Variants in RANBP3L observed in about 807,000 individuals in gnomAD.
RANBP3L encodes RAN binding protein 3 like, also known as ran-binding protein 3-like.
A neutral mutation model predicts 67.2 loss-of-function variants in RANBP3L; 56 were observed. The observed-to-expected ratio is 0.83, with a 90% CI of 0.67 to 1.04. The LOEUF (loss-of-function observed/expected upper bound fraction) is 1.04, where lower values mean the gene tolerates loss of function less well. Among genes scored for constraint, RANBP3L ranks in the 50% least tolerant of loss-of-function variants. The pLI, the probability that RANBP3L is intolerant of heterozygous loss-of-function variation, is 0.00. For missense variants in RANBP3L, 496 were observed against 535.5 expected (o/e 0.93, Z 0.73); for synonymous variants, 164 against 181.4 (o/e 0.90, Z 0.77).
At chr5:36,282,963 A>G (rs569448117) in intron 1 of RANBP3L, among the ~76,000 whole-genome samples, 1 of 152,328 alleles carries the variant, frequency 6.6e-6, no homozygotes, top group Admixed American at 6.5e-5. Flanking sequence ...AAGGCCAGGT[A>G]GTAATTTGTA....
intron 12 of RANBP3L, among the ~76,000 whole-genome samples, chr5:36,253,331 G>T (rs1320303406): frequency 6.6e-6 from 1 of 151,980 alleles, no homozygotes; most frequent in Non-Finnish European, 1.5e-5. Context: ...CTCTTCCTGG[G>T]AACCATTCCT....
In RANBP3L at chr5:36,265,709, G is replaced by A. The variant is rs1307220900; in HGVS notation, c.269-189C>T. Reference sequence around the variant, plus strand: ...GATTGCCAGCCAGGCGCGGTGGCTCGCGCCTGTAATCCTAGCACTTTGGGA... The same window carrying A: ...GATTGCCAGCCAGGCGCGGTGGCTCACGCCTGTAATCCTAGCACTTTGGGA... On this transcript the variant is annotated intron_variant, in intron 4 of 13. Coordinates refer to ENST00000296604, the MANE Select transcript of RANBP3L (RefSeq NM_145000.5). 2.0e-5 allele frequency among the ~76,000 whole-genome samples: 3 copies of A among 152,098 alleles called. No individual in the cohort carries two copies. The East Asian group carries it at 5.8e-4, about 29-fold the overall frequency.
chr5:36,285,457 A>G (rs1241071996), intron 1 of RANBP3L, among the ~76,000 whole-genome samples: 1 of 152,214 alleles, frequency 6.6e-6, no homozygotes. Flanking sequence ...TGTACAGGCT[A>G]CATGTGTGCC....
Position 36,255,493 on chromosome 5 carries a change from C to T in RANBP3L, c.1001G>A (p.Cys334Tyr), listed in dbSNP as rs146583992. ...LRLNDTASTDCGTLQSRLIMR... is the reference protein window; with the variant it reads ...LRLNDTASTDYGTLQSRLIMR... The stretch of plus-strand genomic sequence containing the variant: ...ACTTAGTCTTGACTGTAATGTTCCA[C>T]AGTCAGTGCTTGCTGTGTCATTCAG... The change falls in exon 11 of 14, where the codon TGT (cysteine) becomes TAT (tyrosine). Residue 334 changes from cysteine to tyrosine, a missense_variant. Coordinates refer to ENST00000296604, the MANE Select transcript of RANBP3L (RefSeq NM_145000.5). The T allele has an allele frequency of 1.6e-5, 26 of 1,611,310 alleles. No homozygotes were observed. The highest frequency in any genetic ancestry group is 2.2e-5 in the South Asian group (2 of 90,842).
rs771480477 is a variant in RANBP3L at position 36,248,545 on chromosome 5, G to A, written c.*1109C>T. ...CATATCCAAATGAATATTGTTCTTC[G>A]AAGCATCACTTAGTGAAATTACGCC... On this transcript the variant is annotated 3_prime_UTR_variant, in exon 14 of 14. Coordinates refer to ENST00000296604, the MANE Select transcript of RANBP3L (RefSeq NM_145000.5). The A allele has an allele frequency of 2.6e-5, 4 of 152,024 alleles. No individual in the cohort carries two copies. Among genetic ancestry groups the A allele is most frequent in the South Asian group, 2.1e-4 (1 of 4,834 alleles). The allele number at this position is 152,024 out of a possible 1,614,324, so 9.4% of individuals were successfully genotyped here.
At chr5:36,293,929 G>A (rs1227331932) in intron 1 of RANBP3L, among the ~76,000 whole-genome samples, 1 of 150,870 alleles carries the variant, frequency 6.6e-6, no homozygotes, top group Non-Finnish European at 1.5e-5. Context: ...ATGAGTTATG[G>A]AGGATTCCCT....
intron 1 of RANBP3L, among the ~76,000 whole-genome samples, chr5:36,285,762 C>T (rs936524968): frequency 1.3e-4 from 20 of 152,176 alleles, no homozygotes; most frequent in African/African-American, 4.8e-4. Flanking sequence ...ACAAGGTTGT[C>T]ATCTTTCCTT....
At chr5:36,254,296 T>C (rs1748809828) in intron 11 of RANBP3L, among the ~76,000 whole-genome samples, 1 of 152,126 alleles carries the variant, frequency 6.6e-6, no homozygotes, top group Non-Finnish European at 1.5e-5. Flanking sequence ...TTTTACAATC[T>C]ATGTGTACAT....
chr5:36,257,655 C>G, intron 8 of RANBP3L, 99 bp from the exon 9 acceptor site: 1 of 505,740 alleles, frequency 2.0e-6, no homozygotes, highest in Non-Finnish European at 3.5e-6. Context: ...TGTTTCAACA[C>G]AGCAAGCAAA....
intron 8 of RANBP3L, among the ~76,000 whole-genome samples, chr5:36,260,558 T>A (rs1363840): frequency 1.4e-4 from 21 of 152,084 alleles, no homozygotes; most frequent in African/African-American, 4.3e-4. Context: ...TCAGTAATAA[T>A]GTTATAATTA....
chr5:36,290,726 CTTTTTT>C (rs61105686), intron 1 of RANBP3L, among the ~76,000 whole-genome samples: 3 of 55,434 alleles, frequency 5.4e-5, no homozygotes, highest in African/African-American at 2.3e-4. Context: ...ACAACCATGG[CTTTTTT>C]TTTTTTTTTT....
chr5:36,273,482 A>C (rs1750368009), intron 1 of RANBP3L, among the ~76,000 whole-genome samples: 1 of 152,186 alleles, frequency 6.6e-6, no homozygotes, highest in African/African-American at 2.4e-5. Context: ...ACATGGTCTA[A>C]TTGAAGGTGC....
At chr5:36,282,080 T>C (rs1364734510) in intron 1 of RANBP3L, among the ~76,000 whole-genome samples, 2 of 152,194 alleles carry the variant, frequency 1.3e-5, no homozygotes, top group East Asian at 1.9e-4. Context: ...TCCTAGGATG[T>C]GCTTGGTCAA....
intron 7 of RANBP3L, among the ~76,000 whole-genome samples, chr5:36,261,710 C>G (rs558146181): frequency 6.6e-6 from 1 of 152,176 alleles, no homozygotes; most frequent in East Asian, 1.9e-4. Flanking sequence ...AAAGTTCTCA[C>G]CCAAGTTAAT....
At chr5:36,288,808 T>A (rs1304469951) in intron 1 of RANBP3L, among the ~76,000 whole-genome samples, 3 of 152,260 alleles carry the variant, frequency 2.0e-5, no homozygotes, top group African/African-American at 7.2e-5. Flanking sequence ...CATTTTTAAA[T>A]CAAATTGTTT....
At chr5:36,266,299 G>A (rs569164705) in intron 4 of RANBP3L, among the ~76,000 whole-genome samples, 4 of 152,288 alleles carry the variant, frequency 2.6e-5, no homozygotes, top group African/African-American at 9.6e-5. Flanking sequence ...CTACAAACAT[G>A]TTGGTGGGGT....
At chr5:36,252,586 G>A (rs79835456) in intron 12 of RANBP3L, among the ~76,000 whole-genome samples, 305 of 152,184 alleles carry the variant, frequency 2.0e-3, no homozygotes, top group African/African-American at 7.1e-3. Flanking sequence ...ATATATGTAT[G>A]TATGTATATT....
In RANBP3L at chr5:36,252,061, TTAAAA is replaced by T. The variant is rs547546124; in HGVS notation, c.1168-567_1168-563del. On this transcript the variant is annotated intron_variant, in intron 12 of 13. Transcript: ENST00000296604. ...AATAAAGTTGGCATAACATTTACTG[TTAAAA>T]TATTCTTTTTTTCAATTCCTTCAGT... Among the ~76,000 whole-genome samples, 1,145 of 152,230 alleles carry T rather than the reference TTAAAA, an allele frequency of 7.5e-3. 15 individuals carry two copies. The highest frequency in any genetic ancestry group is 0.026 in the African/African-American group (1,099 of 41,560).
intron 1 of RANBP3L, among the ~76,000 whole-genome samples, chr5:36,296,766 A>T (rs1346025888): frequency 6.6e-6 from 1 of 152,194 alleles, no homozygotes. Flanking sequence ...TGAGGTTTAC[A>T]CTTAAACTAG....
Sources: allele counts gnomAD v4.1 joint callset (sites outside exome capture counted in the v4.1 genomes callset), GRCh38; gene constraint gnomAD v4.1.1; transcripts MANE v1.5; gene names NCBI Gene and HGNC (gene_info 2026-07-23, HGNC 2026-07-21).